Variants in SAMSN1 observed in about 807,000 individuals in gnomAD.
SAMSN1 encodes the protein SAM domain, SH3 domain and nuclear localization signals 1, also known as SAM domain-containing protein SAMSN-1.
In SAMSN1, 31 loss-of-function variants were observed where a neutral mutation model predicts 42.0. The observed-to-expected ratio is 0.74, with a 90% CI of 0.55 to 1.00. The LOEUF (loss-of-function observed/expected upper bound fraction) is 1.00, where lower values mean the gene tolerates loss of function less well. SAMSN1 is among the 50% of genes least tolerant of loss of function. SAMSN1 has a pLI of 0.00. For missense variants in SAMSN1, 464 were observed against 439.4 expected (o/e 1.06, Z -0.50); for synonymous variants, 178 against 151.9 (o/e 1.17, Z -1.26).
At chr21:14,555,294 C>G (rs1980729289) in intron 2 of SAMSN1, among the ~76,000 whole-genome samples, 1 of 152,168 alleles carries the variant, frequency 6.6e-6, no homozygotes, top group African/African-American at 2.4e-5. Context: ...TCTCCCAAAT[C>G]TCTTTGTCTC....
At chr21:14,576,959 AC>A (rs1981485107) in intron 2 of SAMSN1, among the ~76,000 whole-genome samples, 1 of 150,466 alleles carries the variant, frequency 6.6e-6, no homozygotes, top group Middle Eastern at 3.5e-3. Context: ...ACATTTTCAC[AC>A]TATATAAAAT....
chr21:14,521,214 C>T lies in SAMSN1; in HGVS notation c.65G>A (p.Ser22Asn), dbSNP rs760803294. Residue 22 changes from serine (S) to asparagine (N), a missense_variant, in exon 2 of 8, where the codon AGC becomes AAC. By Grantham distance (46) the Ser-to-Asn change is conservative (BLOSUM62 1). Coordinates refer to ENST00000400566, the MANE Select transcript of SAMSN1 (RefSeq NM_022136.5). Reference protein sequence around the residue: ...KEKHQKPKRSSSFGNFDRFRN... With the variant: ...KEKHQKPKRSNSFGNFDRFRN... ...AAAACGATCGAAATTCCCAAAACTG[C>T]TGCTTCGCTATAAAATAGAAAAGAA... The T allele has an allele frequency of 1.6e-5, 26 of 1,609,632 alleles. No individual in the cohort carries two copies.
Position 14,486,125 on chromosome 21 carries a change from A to G in SAMSN1, c.920-11T>C. ...CTTGCTCTTGAATAACTGTAAATGG[A>G]AAAAAAGGGCAGGAGTTAGGTAAAG... On this transcript the variant is annotated splice_polypyrimidine_tract_variant and intron_variant, in intron 7 of 7. Coordinates refer to ENST00000400566, the MANE Select transcript of SAMSN1 (RefSeq NM_022136.5). The G allele has an allele frequency of 6.3e-7, 1 of 1,596,138 alleles. No homozygotes were observed. Among genetic ancestry groups the G allele is most frequent in the Non-Finnish European group, 8.6e-7 (1 of 1,165,066 alleles).
At chr21:14,541,818 C>A (rs915412577) in intron 1 of SAMSN1, among the ~76,000 whole-genome samples, 1 of 151,846 alleles carries the variant, frequency 6.6e-6, no homozygotes, top group South Asian at 2.1e-4. Context: ...CTAGCAAAAC[C>A]CCCATGTCTA....
chr21:14,658,215 G>A (rs1282805074), intron 1 of SAMSN1, among the ~76,000 whole-genome samples: 1 of 151,758 alleles, frequency 6.6e-6, no homozygotes, highest in African/African-American at 2.4e-5. Context: ...AATTTGAGAG[G>A]TGCTTATACC....
intron 2 of SAMSN1, among the ~76,000 whole-genome samples, chr21:14,580,999 C>A (rs1304010876): frequency 6.6e-6 from 1 of 152,052 alleles, no homozygotes; most frequent in African/African-American, 2.4e-5. Flanking sequence ...TAATATTTGA[C>A]TTTAGCTTCT....
In SAMSN1 at chr21:14,517,057, T is replaced by G; in HGVS notation, c.130-16A>C. The stretch of plus-strand genomic sequence containing the variant: ...CTTCATGTGCCTAGTTTAGAATTGT[T>G]TACAAAAGACAAAATAATAAAGCAA... On this transcript the variant is annotated splice_polypyrimidine_tract_variant and intron_variant, in intron 2 of 7. Transcript: ENST00000400566. 1 of 1,590,008 alleles carries G rather than the reference T, an allele frequency of 6.3e-7. No homozygotes were observed.
intron 4 of SAMSN1, among the ~76,000 whole-genome samples, chr21:14,612,193 A>G (rs1451611683): frequency 1.3e-5 from 2 of 152,212 alleles, no homozygotes; most frequent in African/African-American, 4.8e-5. Flanking sequence ...AGATTGCACC[A>G]TTGCATTTCC....
chr21:14,618,570 G>A (rs533381238), intron 2 of SAMSN1, among the ~76,000 whole-genome samples: 3 of 152,088 alleles, frequency 2.0e-5, no homozygotes, highest in Non-Finnish European at 4.4e-5. Flanking sequence ...ACGTATATTG[G>A]AGTTCACACC....
At position 14,617,147 on chromosome 21, in the gene SAMSN1, T is replaced by C. The variant is rs1236938588; in HGVS notation, c.157-1131A>G. Among the ~76,000 whole-genome samples, 6 of 152,094 alleles carry C rather than the reference T, an allele frequency of 3.9e-5. No homozygotes were observed. The East Asian group carries it at 9.6e-4, about 24-fold the overall frequency. On this transcript the variant is annotated intron_variant, in intron 2 of 15. Transcript: ENST00000647101. ...TGCATGACCCATAGGACATTGCTTG[T>C]AGGGAAGAGGTGGTGGATGGGGGTT...
intron 7 of SAMSN1, among the ~76,000 whole-genome samples, chr21:14,590,549 C>T (rs1044480654): frequency 6.6e-6 from 1 of 152,016 alleles, no homozygotes; most frequent in African/African-American, 2.4e-5. Flanking sequence ...TCCCAAAGTG[C>T]TGGAATTACA....
intron 7 of SAMSN1, among the ~76,000 whole-genome samples, chr21:14,489,334 C>T (rs917376048): frequency 2.0e-5 from 3 of 152,046 alleles, no homozygotes; most frequent in Non-Finnish European, 4.4e-5. Flanking sequence ...TGATAATACG[C>T]TAGGTTTAAA....
chr21:14,494,896 G>C (rs774395205), intron 7 of SAMSN1, among the ~76,000 whole-genome samples: 2 of 152,100 alleles, frequency 1.3e-5, no homozygotes, highest in Non-Finnish European at 2.9e-5. Flanking sequence ...CATAGGACTT[G>C]TCTTTTCTAC....
chr21:14,638,973 G>A lies in SAMSN1; in HGVS notation c.156+4029C>T, dbSNP rs568739724. 2.0e-3 allele frequency among the ~76,000 whole-genome samples: 297 copies of A among 152,184 alleles called. 1 individual carries two copies. The highest frequency in any genetic ancestry group is 6.9e-3 in the African/African-American group (287 of 41,534). On this transcript the variant is annotated intron_variant, in intron 2 of 15. Coordinates refer to the SAMSN1 transcript ENST00000647101. The stretch of plus-strand genomic sequence containing the variant: ...GAACCTTCACTGATCCATTTATTTA[G>A]CTGACAAATATTTATTGAATGACCA...
chr21:14,509,864 G>A (rs1352070379), intron 5 of SAMSN1, among the ~76,000 whole-genome samples: 2 of 152,214 alleles, frequency 1.3e-5, no homozygotes, highest in African/African-American at 4.8e-5. Flanking sequence ...ACTGGGCCAG[G>A]CGTGGTGGCT....
chr21:14,622,452 G>A (rs926532422), intron 2 of SAMSN1, among the ~76,000 whole-genome samples: 5 of 152,098 alleles, frequency 3.3e-5, no homozygotes, highest in Non-Finnish European at 5.9e-5. Context: ...TGAAAACCAT[G>A]GTACAAGAAC....
At chr21:14,568,929 G>A (rs1981202381) in intron 2 of SAMSN1, among the ~76,000 whole-genome samples, 2 of 152,014 alleles carry the variant, frequency 1.3e-5, no homozygotes, top group South Asian at 4.1e-4. Flanking sequence ...ACACAAAAAT[G>A]CACTCCTTCA....
At chr21:14,597,192 C>G (rs1276477946) in intron 6 of SAMSN1, among the ~76,000 whole-genome samples, 1 of 151,964 alleles carries the variant, frequency 6.6e-6, no homozygotes, top group Non-Finnish European at 1.5e-5. Flanking sequence ...TCTGATAAAA[C>G]CTAGTGAAAG....
Position 14,498,566 on chromosome 21 carries a change from A to G in SAMSN1, c.795T>C (p.Asn265=). The G allele has an allele frequency of 6.2e-7, 1 of 1,602,108 alleles. No homozygotes were observed. The highest frequency in any genetic ancestry group is 8.5e-7 in the Non-Finnish European group (1 of 1,176,568). The change falls in exon 7 of 8, where the codon AAT becomes AAC. Residue 265 remains asparagine (N), a synonymous_variant. Transcript: ENST00000400566. ...LQEYTSTLLL[N]GYETLEDLKD... ...TTAAATCTTCTAGAGTCTCATAACC[A>G]TTGAGCAAAAGTGTTGAGGTGTATT... is the stretch of plus-strand genomic sequence containing the variant.
Sources: allele counts gnomAD v4.1 joint callset (sites outside exome capture counted in the v4.1 genomes callset), GRCh38; gene constraint gnomAD v4.1.1; transcripts MANE v1.5; gene names NCBI Gene and HGNC (gene_info 2026-07-23, HGNC 2026-07-21).